The following ADAM22 variants were observed in gnomAD, a reference collection of about 807,000 sequenced individuals.
The protein encoded by ADAM22 is disintegrin and metalloproteinase domain-containing protein 22.
Under a neutral mutation model 144.6 loss-of-function variants are expected in ADAM22, and 65 were observed. The observed-to-expected ratio is 0.45, with a 90% confidence interval of 0.37 to 0.55. ADAM22 has a LOEUF of 0.55. Ranked by LOEUF, ADAM22 falls within the 20% of genes least tolerant of loss-of-function variation. The probability of loss-of-function intolerance (pLI) is 0.00; values close to 1 mark genes in which losing one functional copy is unlikely to be tolerated. For missense variants in ADAM22, 974 were observed against 1,184.9 expected, an observed-to-expected ratio of 0.82 and a Z score of 2.61; for synonymous variants, 391 against 412.6, an observed-to-expected ratio of 0.95 and a Z score of 0.63.
intron 3 of ADAM22, among the ~76,000 whole-genome samples, chr7:88,026,010 A>G (rs1214973724): frequency 6.6e-6 from 1 of 152,010 alleles, no homozygotes; most frequent in Non-Finnish European, 1.5e-5. Flanking sequence ...GTCCTCTTCA[A>G]TTTCTTTGAC....
intron 2 of ADAM22, among the ~76,000 whole-genome samples, chr7:87,949,925 A>G (rs1199058519): frequency 6.6e-6 from 1 of 150,502 alleles, no homozygotes; most frequent in Admixed American, 6.6e-5. Context: ...ATATGTTAAT[A>G]TAAAATATTT....
At chr7:87,982,701 T>TATATATATATATATATAAAA (rs1554373733) in intron 3 of ADAM22, among the ~76,000 whole-genome samples, 4 of 33,802 alleles carry the variant, frequency 1.2e-4, no homozygotes, top group African/African-American at 5.2e-4. Context: ...ATATATATAA[T>TATATATATATATATATAAAA]TTTTTTTTTT....
intron 2 of ADAM22, 28 bp downstream of exon 2, chr7:87,935,214 C>T (rs775419736): frequency 6.5e-7 from 1 of 1,545,652 alleles, no homozygotes; most frequent in Non-Finnish European, 8.7e-7. Flanking sequence ...GGAGGTGGTC[C>T]TCCGCGCCTC....
chr7:88,098,772 G>T lies in ADAM22; in HGVS notation c.391-9404G>T, dbSNP rs533727711. On this transcript the variant is annotated intron_variant, in intron 4 of 31. Transcript: ENST00000413139. ...CTTACACATCTTTTCCTCTCCGGTGGTAATCATGTATCTTTTAAATGAAAT... is the reference window on the plus strand; with the variant it reads ...CTTACACATCTTTTCCTCTCCGGTGTTAATCATGTATCTTTTAAATGAAAT... 1.4e-4 allele frequency among the ~76,000 whole-genome samples: 21 copies of T among 151,940 alleles called. 1 individual carries two copies. Among genetic ancestry groups the T allele is most frequent in the Non-Finnish European group, 2.8e-4 (19 of 67,950 alleles).
At chr7:88,107,642 G>A (rs1824795114) in intron 4 of ADAM22, among the ~76,000 whole-genome samples, 1 of 152,062 alleles carries the variant, frequency 6.6e-6, no homozygotes, top group Admixed American at 6.6e-5. Context: ...CTGGAGTGCA[G>A]TAGCACAATC....
At chr7:88,143,000 G>C in intron 14 of ADAM22, 26 bp from the exon 15 acceptor site, 1 of 1,433,948 alleles carries the variant, frequency 7.0e-7, no homozygotes, top group South Asian at 1.2e-5. Flanking sequence ...GTTGAACCCA[G>C]CTATTGCTTT....
intron 3 of ADAM22, among the ~76,000 whole-genome samples, chr7:88,039,625 G>GTGTT (rs2129471533): frequency 6.7e-6 from 1 of 149,946 alleles, no homozygotes; most frequent in Admixed American, 6.7e-5. Flanking sequence ...GTGTGTGTGT[G>GTGTT]TGTCTGTGTG....
intron 3 of ADAM22, among the ~76,000 whole-genome samples, chr7:87,997,199 C>T (rs1336503694): frequency 6.6e-6 from 1 of 152,196 alleles, no homozygotes; most frequent in African/African-American, 2.4e-5. Context: ...GGTAAACCTA[C>T]TGACCATATT....
intron 22 of ADAM22, 118 bp downstream of exon 22, chr7:88,156,124 T>C: frequency 9.3e-7 from 1 of 1,076,450 alleles, no homozygotes. Flanking sequence ...TAATCTAGTC[T>C]ATAGAGACGA....
intron 3 of ADAM22, among the ~76,000 whole-genome samples, chr7:88,058,982 G>C (rs1809028077): frequency 6.6e-6 from 1 of 152,142 alleles, no homozygotes; most frequent in Non-Finnish European, 1.5e-5. Flanking sequence ...TTTCTGGATT[G>C]TGGGCATAGT....
chr7:88,099,513 G>T (rs1822348794), intron 4 of ADAM22, among the ~76,000 whole-genome samples: 1 of 152,142 alleles, frequency 6.6e-6, no homozygotes, highest in Non-Finnish European at 1.5e-5. Context: ...AAGGGAGATT[G>T]TCTCCATCTT....
In ADAM22 at chr7:87,982,687, ATATATATATATAAT is replaced by A. The variant is rs1562916536; in HGVS notation, c.323+4277_323+4290del. ...AGTTATTACATATATATATATATAT[ATATATATATATAAT>A]TTTTTTTTTTGAGATACAGTTTTGC... On this transcript the variant is annotated intron_variant, in intron 3 of 31. Coordinates refer to ENST00000413139, the MANE Select transcript of ADAM22 (RefSeq NM_001324418.2). Among the ~76,000 whole-genome samples the A allele has an allele frequency of 1.0e-3, 76 of 73,430 alleles. 6 individuals are homozygous for A. Among genetic ancestry groups the A allele is most frequent in the African/African-American group, 3.2e-3 (42 of 13,282 alleles). The allele number at this position is 73,430 out of a possible 152,430, so 48.2% of individuals were successfully genotyped here. A position where few individuals can be genotyped will look rare whatever the true frequency, so the allele number is the denominator to read the frequency against.
At chr7:87,942,830 A>T (rs934643680) in intron 2 of ADAM22, among the ~76,000 whole-genome samples, 1 of 152,142 alleles carries the variant, frequency 6.6e-6, no homozygotes, top group African/African-American at 2.4e-5. Flanking sequence ...TTTGTGGTCA[A>T]AGTTTCATAG....
rs74956990 is a variant in ADAM22, at chr7:88,191,023, C to T, written c.2751-2093C>T. Among the ~76,000 whole-genome samples, 616 of 152,314 alleles carry T rather than the reference C, an allele frequency of 4.0e-3. 8 individuals are homozygous for T. The highest frequency in any genetic ancestry group is 0.014 in the African/African-American group (583 of 41,564). On this transcript the variant is annotated intron_variant, in intron 30 of 31. Transcript: ENST00000413139. The stretch of plus-strand genomic sequence containing the variant: ...CCAAGATAATCAATTTTATACCAGC[C>T]TCCAGGACCCTTTCCCCTGCTAAAA...
At chr7:88,104,883 T>C (rs1467513192) in intron 4 of ADAM22, among the ~76,000 whole-genome samples, 1 of 152,158 alleles carries the variant, frequency 6.6e-6, no homozygotes, top group Non-Finnish European at 1.5e-5. Flanking sequence ...AGCTCTTTGC[T>C]TCATTTGCCA....
At chr7:88,122,703 C>T (rs1829594783) in intron 7 of ADAM22, among the ~76,000 whole-genome samples, 1 of 152,096 alleles carries the variant, frequency 6.6e-6, no homozygotes, top group South Asian at 2.1e-4. Flanking sequence ...TCCCAGGATC[C>T]AGTAATGGGC....
intron 3 of ADAM22, among the ~76,000 whole-genome samples, chr7:87,992,022 G>A (rs1161166881): frequency 6.6e-6 from 1 of 152,204 alleles, no homozygotes; most frequent in African/African-American, 2.4e-5. Context: ...TCAGAGAAAT[G>A]CTCTCTGTGT....
intron 3 of ADAM22, among the ~76,000 whole-genome samples, chr7:88,050,405 C>CA (rs1015229645): frequency 2.0e-5 from 2 of 98,878 alleles, no homozygotes; most frequent in Non-Finnish European, 4.2e-5. Context: ...CTCAAAAAAA[C>CA]AAAAAAAGGA....
intron 17 of ADAM22, among the ~76,000 whole-genome samples, chr7:88,146,106 T>C (rs1836317424): frequency 6.6e-6 from 1 of 152,202 alleles, no homozygotes; most frequent in African/African-American, 2.4e-5. Flanking sequence ...ACATCAATAC[T>C]AACATTTGAG....
Sources: allele counts gnomAD v4.1 joint callset (sites outside exome capture counted in the v4.1 genomes callset), GRCh38; gene constraint gnomAD v4.1.1; transcripts MANE v1.5; gene names NCBI Gene and HGNC (gene_info 2026-07-23, HGNC 2026-07-21).